The following CABCOCO1 variants were observed in gnomAD, a reference collection of about 807,000 sequenced individuals.
CABCOCO1 encodes ciliary-associated calcium-binding coiled-coil protein 1.
A neutral mutation model predicts 35.7 loss-of-function variants in CABCOCO1; 28 were observed. The observed-to-expected ratio is 0.78, with a 90% CI of 0.58 to 1.07. The LOEUF is 1.07. CABCOCO1 is among the 50% of genes least tolerant of loss of function. The probability of loss-of-function intolerance (pLI) is 0.00; values close to 1 mark genes in which losing one functional copy is unlikely to be tolerated. For synonymous variants in CABCOCO1, 95 were observed against 100.1 expected, an observed-to-expected ratio of 0.95 and a Z score of 0.30; for missense variants, 326 against 309.2, an observed-to-expected ratio of 1.05 and a Z score of -0.41.
chr10:61,709,973 T>G (rs139100471), intron 5 of CABCOCO1, among the ~76,000 whole-genome samples: 1 of 152,116 alleles, frequency 6.6e-6, no homozygotes, highest in East Asian at 1.9e-4. Context: ...AAAGCATGAG[T>G]GACTTCATAA....
At chr10:61,758,089 C>T (rs1227548334) in intron 5 of CABCOCO1, among the ~76,000 whole-genome samples, 1 of 151,984 alleles carries the variant, frequency 6.6e-6, no homozygotes, top group African/African-American at 2.4e-5. Context: ...TATCTCAGTG[C>T]CTGCAGTAAA....
At chr10:61,747,195 T>C (rs1474176794) in intron 5 of CABCOCO1, among the ~76,000 whole-genome samples, 2 of 152,078 alleles carry the variant, frequency 1.3e-5, no homozygotes, top group Non-Finnish European at 2.9e-5. Context: ...TAGATAAATA[T>C]ACCAATTATA....
At chr10:61,690,848 T>C (rs1410398570) in intron 5 of CABCOCO1, among the ~76,000 whole-genome samples, 1 of 152,306 alleles carries the variant, frequency 6.6e-6, no homozygotes, top group East Asian at 1.9e-4. Context: ...ATACTTTGTG[T>C]ATTTATGGAT....
intron 5 of CABCOCO1, among the ~76,000 whole-genome samples, chr10:61,702,655 C>G (rs1317324740): frequency 6.6e-6 from 1 of 151,862 alleles, no homozygotes; most frequent in Non-Finnish European, 1.5e-5. Flanking sequence ...AATATTGGGC[C>G]ACATACCAAT....
intron 5 of CABCOCO1, among the ~76,000 whole-genome samples, chr10:61,727,726 A>G (rs1002669442): frequency 2.0e-5 from 3 of 152,184 alleles, no homozygotes; most frequent in Non-Finnish European, 4.4e-5. Flanking sequence ...AATTTTGCAA[A>G]TTATCGGCAT....
intron 5 of CABCOCO1, among the ~76,000 whole-genome samples, chr10:61,735,003 G>C (rs1057426942): frequency 6.6e-6 from 1 of 152,060 alleles, no homozygotes; most frequent in South Asian, 2.1e-4. Context: ...GCGCATTCTT[G>C]TTGTCCTGTG....
chr10:61,668,068 A>G (rs1839244917), intron 1 of CABCOCO1, among the ~76,000 whole-genome samples: 1 of 151,694 alleles, frequency 6.6e-6, no homozygotes, highest in African/African-American at 2.4e-5. Context: ...TTTGCTGCTG[A>G]ATCTTAGTAA....
chr10:61,702,877 C>T (rs79682058), intron 5 of CABCOCO1, among the ~76,000 whole-genome samples: 4 of 150,892 alleles, frequency 2.7e-5, no homozygotes, highest in Non-Finnish European at 5.9e-5. Flanking sequence ...AATTATGCAG[C>T]TGCATCAGCA....
intron 5 of CABCOCO1, among the ~76,000 whole-genome samples, chr10:61,703,859 A>C (rs566493916): frequency 3.3e-5 from 5 of 152,256 alleles, no homozygotes; most frequent in African/African-American, 1.2e-4. Context: ...CCCAAAGATG[A>C]TACATAGGGC....
intron 5 of CABCOCO1, among the ~76,000 whole-genome samples, chr10:61,735,345 A>C (rs1220210057): frequency 1.3e-5 from 2 of 152,238 alleles, no homozygotes; most frequent in South Asian, 2.1e-4. Context: ...TTCTATCAAT[A>C]AAATCAGATA....
At chr10:61,759,008 G>T (rs1418959764) in intron 5 of CABCOCO1, among the ~76,000 whole-genome samples, 1 of 151,302 alleles carries the variant, frequency 6.6e-6, no homozygotes, top group Non-Finnish European at 1.5e-5. Flanking sequence ...ATTTCATTGG[G>T]TTTTTTTTCA....
intron 2 of CABCOCO1, among the ~76,000 whole-genome samples, chr10:61,678,557 T>TGA (rs1839596404): frequency 6.6e-6 from 1 of 152,032 alleles, no homozygotes; most frequent in Non-Finnish European, 1.5e-5. Flanking sequence ...TATATATATA[T>TGA]GACATAACAG....
intron 5 of CABCOCO1, among the ~76,000 whole-genome samples, chr10:61,754,378 A>G (rs1373783905): frequency 1.3e-5 from 2 of 152,066 alleles, no homozygotes; most frequent in African/African-American, 4.8e-5. Context: ...AGATCAAAAC[A>G]TCTTTTCCTT....
intron 5 of CABCOCO1, among the ~76,000 whole-genome samples, chr10:61,703,816 A>G (rs1453714494): frequency 6.6e-6 from 1 of 152,124 alleles, no homozygotes; most frequent in Non-Finnish European, 1.5e-5. Context: ...GTGACTTCTT[A>G]CTACATATCT....
chr10:61,751,354 C>T (rs1841780668), intron 5 of CABCOCO1, among the ~76,000 whole-genome samples: 1 of 151,340 alleles, frequency 6.6e-6, no homozygotes. Flanking sequence ...GGAGTTGAAT[C>T]CTTCAAAAAA....
rs1348816836 is a variant in CABCOCO1, at chr10:61,766,199, C to T, written c.*186C>T. 6 of 494,392 alleles carry T rather than the reference C, an allele frequency of 1.2e-5. No homozygotes were observed. The highest frequency in any genetic ancestry group is 1.0e-4 in the Admixed American group (3 of 29,564). 30.6% of individuals were successfully genotyped at this position (494,392 alleles called of 1,614,324 possible). ...AATTTTGCTATCTCCCATCCCATAA[C>T]AGCCTCTGAATTTATTGCACCAAGT... On this transcript the variant is annotated 3_prime_UTR_variant, in exon 8 of 8. Transcript: ENST00000648843.
chr10:61,701,609 TC>T, intron 5 of CABCOCO1: 1 of 981,074 alleles, frequency 1.0e-6, no homozygotes, highest in East Asian at 1.1e-4. Context: ...TCATCATGTT[TC>T]CATTCTCTGA....
chr10:61,673,113 A>C (rs781782615), intron 2 of CABCOCO1, among the ~76,000 whole-genome samples: 11 of 152,158 alleles, frequency 7.2e-5, no homozygotes, highest in Non-Finnish European at 1.5e-4. Flanking sequence ...TGTAATTATA[A>C]TGGGCAATGC....
chr10:61,728,445 G>A (rs1232692436), intron 5 of CABCOCO1, among the ~76,000 whole-genome samples: 1 of 151,890 alleles, frequency 6.6e-6, no homozygotes, highest in Non-Finnish European at 1.5e-5. Flanking sequence ...CAGATCTCTG[G>A]GCAAAAACAT....
Sources: allele counts gnomAD v4.1 joint callset (sites outside exome capture counted in the v4.1 genomes callset), GRCh38; gene constraint gnomAD v4.1.1; transcripts MANE v1.5; gene names NCBI Gene and HGNC (gene_info 2026-07-23, HGNC 2026-07-21).